The following PGBD5 variants were observed in gnomAD, a reference collection of about 807,000 sequenced individuals.
The protein encoded by PGBD5 is piggyBac transposable element derived 5, also known as piggyBac transposable element-derived protein 5.
In PGBD5, 14 loss-of-function variants were observed where a neutral mutation model predicts 47.9. That is an observed-to-expected ratio of 0.29 (90% CI 0.19 to 0.46). PGBD5 has a LOEUF of 0.46. Ranked by LOEUF, PGBD5 falls within the 20% of genes least tolerant of loss-of-function variation. The pLI is 1.00. For synonymous variants in PGBD5, 316 were observed against 306.3 expected (o/e 1.03, Z -0.33); for missense variants, 635 against 716.0 (o/e 0.89, Z 1.29).
intron 2 of PGBD5, among the ~76,000 whole-genome samples, chr1:230,354,511 G>T (rs560908233): frequency 1.4e-3 from 208 of 152,274 alleles, no homozygotes; most frequent in Non-Finnish European, 1.4e-3. Flanking sequence ...AACTTATTTC[G>T]AACTTATTTC....
intron 1 of PGBD5, among the ~76,000 whole-genome samples, chr1:230,418,026 G>C (rs1224209317): frequency 6.6e-6 from 1 of 152,158 alleles, no homozygotes; most frequent in East Asian, 1.9e-4. Context: ...GGGAGGAGGG[G>C]TGCCAGTAAC....
At chr1:230,360,205 G>A (rs905457121) in intron 1 of PGBD5, among the ~76,000 whole-genome samples, 2 of 152,184 alleles carry the variant, frequency 1.3e-5, no homozygotes, top group African/African-American at 4.8e-5. Flanking sequence ...GAATTCACAT[G>A]CAACCCCTGG....
At chr1:230,331,223 G>A (rs1272426201) in intron 5 of PGBD5, among the ~76,000 whole-genome samples, 6 of 151,936 alleles carry the variant, frequency 3.9e-5, no homozygotes, top group African/African-American at 7.3e-5. Context: ...GACCAGCCTG[G>A]GCAACATAGT....
In PGBD5 at chr1:230,384,233, T is replaced by TA. The variant is rs1656583902; in HGVS notation, c.332-26913dup. Among the ~76,000 whole-genome samples, 3 of 152,152 alleles carry TA rather than the reference T, an allele frequency of 2.0e-5. 1 individual carries two copies. In the South Asian group the frequency reaches 6.2e-4, roughly 32 times the overall value. The stretch of plus-strand genomic sequence containing the variant: ...TAACAAAAACAACAAACAGGAGTAG[T>TA]AAAAAGAGGGAACATTTGCCAGTAC... On this transcript the variant is annotated intron_variant, in intron 1 of 6. Transcript: ENST00000391860.
intron 1 of PGBD5, among the ~76,000 whole-genome samples, chr1:230,399,244 G>T (rs530610791): frequency 4.8e-4 from 73 of 152,164 alleles, no homozygotes; most frequent in Non-Finnish European, 6.8e-4. Flanking sequence ...AACAATTATT[G>T]TATATCTGAA....
At position 230,357,358 on chromosome 1, in the gene PGBD5, G is replaced by A. The variant is rs948147324; in HGVS notation, c.332-37C>T. 13 of 1,585,812 alleles carry A rather than the reference G, an allele frequency of 8.2e-6. No homozygotes were observed. Among genetic ancestry groups the A allele is most frequent in the Non-Finnish European group, 1.1e-5 (13 of 1,163,764 alleles). ...AGACAGGTGGAGTGTTCCTTAGGAC[G>A]GCCGCCACACCCTGACTCGACACGA... is the stretch of plus-strand genomic sequence containing the variant. On this transcript the variant is annotated intron_variant, in intron 1 of 6. Coordinates refer to ENST00000391860, the MANE Select transcript of PGBD5 (RefSeq NM_001258311.2). This position sits in a 1 kb window ranked among gnomAD's most constrained non-coding sequence, Gnocchi z 5.7.
intron 1 of PGBD5, among the ~76,000 whole-genome samples, chr1:230,385,006 A>G (rs1213858116): frequency 6.6e-6 from 1 of 152,218 alleles, no homozygotes; most frequent in African/African-American, 2.4e-5. Flanking sequence ...CTTTGCTTTC[A>G]GCGAAGGTGA....
At chr1:230,363,398 AT>A (rs1327436444) in intron 1 of PGBD5, among the ~76,000 whole-genome samples, 2 of 152,140 alleles carry the variant, frequency 1.3e-5, no homozygotes, top group Non-Finnish European at 2.9e-5. Context: ...CCTGGCCAAT[AT>A]GGTGAAATCC....
At chr1:230,365,445 T>C (rs986115318) in intron 1 of PGBD5, among the ~76,000 whole-genome samples, 1 of 152,142 alleles carries the variant, frequency 6.6e-6, no homozygotes, top group Non-Finnish European at 1.5e-5. Context: ...GTACCAACTA[T>C]TTAAAGGCAG....
chr1:230,341,764 A>C (rs78843004), intron 3 of PGBD5, among the ~76,000 whole-genome samples: 1,632 of 152,280 alleles, frequency 0.011, 34 homozygotes, highest in African/African-American at 0.036. Flanking sequence ...CACTGGGCAA[A>C]ATGCAGCCAG....
chr1:230,330,833 A>G (rs962396499), intron 5 of PGBD5, among the ~76,000 whole-genome samples: 1 of 152,218 alleles, frequency 6.6e-6, no homozygotes, highest in Non-Finnish European at 1.5e-5. Flanking sequence ...GATGTAAAAT[A>G]GAATACTTTG....
At position 230,357,534 on chromosome 1, in the gene PGBD5, A is replaced by C. The variant is rs1667670929; in HGVS notation, c.332-213T>G. Among the ~76,000 whole-genome samples the C allele has an allele frequency of 6.6e-6, 1 of 152,202 alleles. No homozygotes were observed. Among genetic ancestry groups the C allele is most frequent in the Non-Finnish European group, 1.5e-5 (1 of 68,032 alleles). Reference sequence around the variant, plus strand: ...TTTGTACGCCCCTTTGCTCCAAAACAGCCAGCTCTCCTGCTGTGTGTGTGG... The same window carrying C: ...TTTGTACGCCCCTTTGCTCCAAAACCGCCAGCTCTCCTGCTGTGTGTGTGG... On this transcript the variant is annotated intron_variant, in intron 1 of 6. Transcript: ENST00000391860. This position sits in a 1 kb window ranked among gnomAD's most constrained non-coding sequence, Gnocchi z 5.7.
intron 1 of PGBD5, chr1:230,368,289 T>A (rs143557922): frequency 5.2e-6 from 6 of 1,164,366 alleles, no homozygotes; most frequent in Middle Eastern, 7.8e-4. Flanking sequence ...TGAGGCCAAG[T>A]GGCCCCTCCC....
Position 230,319,441 on chromosome 1 carries a change from A to G in PGBD5, c.*3984T>C, listed in dbSNP as rs1667002630. The G allele has an allele frequency of 6.6e-6, 1 of 151,152 alleles. No individual in the cohort carries two copies. Among genetic ancestry groups the G allele is most frequent in the Admixed American group, 6.6e-5 (1 of 15,218 alleles). The allele number at this position is 151,152 out of a possible 1,614,324, so 9.4% of individuals were successfully genotyped here. On this transcript the variant is annotated 3_prime_UTR_variant, in exon 7 of 7. Transcript: ENST00000391860. ...AGTGGGGAAATGTTTTTTTTTTGCC[A>G]TGAATGCAGACTGGAGGAGAATGTG... is the stretch of plus-strand genomic sequence containing the variant.
chr1:230,409,692 A>G (rs1336927603), intron 1 of PGBD5, among the ~76,000 whole-genome samples: 1 of 152,234 alleles, frequency 6.6e-6, no homozygotes, highest in Non-Finnish European at 1.5e-5. Flanking sequence ...TTAGATGGCT[A>G]AAGTTTCTTT....
Position 230,322,774 on chromosome 1 carries a change from T to G in PGBD5, c.*651A>C, listed in dbSNP as rs1349841758. The G allele has an allele frequency of 6.5e-6, 1 of 152,724 alleles. No homozygotes were observed. The highest frequency in any genetic ancestry group is 1.5e-5 in the Non-Finnish European group (1 of 68,032). 9.5% of individuals were successfully genotyped at this position (152,724 alleles called of 1,614,324 possible). A position where few individuals can be genotyped will look rare whatever the true frequency, so the allele number is the denominator to read the frequency against. The stretch of plus-strand genomic sequence containing the variant: ...ATAGCATCATCCTTCACTCCAAGTT[T>G]TTGGCATTTCCCTCTCTCCCCTGCC... On this transcript the variant is annotated 3_prime_UTR_variant, in exon 7 of 7. Coordinates refer to ENST00000391860, the MANE Select transcript of PGBD5 (RefSeq NM_001258311.2). The surrounding 1 kb of genome is among the most constrained non-coding windows in gnomAD (Gnocchi z 5.9).
At chr1:230,330,856 G>C (rs576535212) in intron 5 of PGBD5, among the ~76,000 whole-genome samples, 1 of 152,198 alleles carries the variant, frequency 6.6e-6, no homozygotes, top group Non-Finnish European at 1.5e-5. Context: ...TCCAGAAATT[G>C]TAAGTACATT....
intron 3 of PGBD5, among the ~76,000 whole-genome samples, chr1:230,339,547 T>C (rs145104844): frequency 6.6e-6 from 1 of 152,320 alleles, no homozygotes; most frequent in African/African-American, 2.4e-5. Context: ...CTCTAAGAGA[T>C]ACCTGCACTC....
In PGBD5 at chr1:230,395,242, T is replaced by C. The variant is rs115576406; in HGVS notation, c.331+30356A>G. Among the ~76,000 whole-genome samples the C allele has an allele frequency of 2.9e-3, 56 of 19,258 alleles. 1 individual carries two copies. Among genetic ancestry groups the C allele is most frequent in the African/African-American group, 0.016 (50 of 3,066 alleles). The allele number at this position is 19,258 out of a possible 152,430, so 12.6% of individuals were successfully genotyped here. A position where few individuals can be genotyped will look rare whatever the true frequency, so the allele number is the denominator to read the frequency against. On this transcript the variant is annotated intron_variant, in intron 1 of 6. Transcript: ENST00000391860. ...TCCCCATCCCCGAGCTCCTCTCTCATTCCCACCCTTCTCCCCCCCTCACGC... is the reference window on the plus strand; with the variant it reads ...TCCCCATCCCCGAGCTCCTCTCTCACTCCCACCCTTCTCCCCCCCTCACGC...
Sources: gnomAD v4.1 joint callset for allele counts (sites outside exome capture counted in the v4.1 genomes callset) on GRCh38, gnomAD v4.1.1 for gene constraint, Gnocchi (gnomAD v3.1) non-coding constraint, MANE v1.5 for transcripts, NCBI Gene and HGNC (gene_info 2026-07-23, HGNC 2026-07-21) for gene names.